PCCA: variants seen among roughly 807,000 people sequenced by gnomAD.
PCCA encodes the protein propionyl-CoA carboxylase subunit alpha, also known as propionyl-CoA carboxylase alpha chain, mitochondrial.
Under a neutral mutation model 101.3 loss-of-function variants are expected in PCCA, and 74 were observed. The ratio of observed to expected loss-of-function variants is 0.73; its 90% CI spans 0.61 to 0.89. The LOEUF (loss-of-function observed/expected upper bound fraction) is 0.89. Ranked by LOEUF, PCCA falls within the 40% of genes least tolerant of loss-of-function variation. PCCA has a pLI of 0.00. For missense variants in PCCA, 891 were observed against 907.0 expected, an observed-to-expected ratio of 0.98 and a Z score of 0.23; for synonymous variants, 294 against 313.6, an observed-to-expected ratio of 0.94 and a Z score of 0.66.
chr13:100,366,639 C>T (rs1288753545), intron 18 of PCCA, among the ~76,000 whole-genome samples: 1 of 152,090 alleles, frequency 6.6e-6, no homozygotes, highest in Non-Finnish European at 1.5e-5. Flanking sequence ...TCCTCCTCCC[C>T]TCCCCACTGT....
chr13:100,374,974 G>T (rs776993056), intron 19 of PCCA, among the ~76,000 whole-genome samples: 6 of 152,064 alleles, frequency 3.9e-5, no homozygotes, highest in Non-Finnish European at 7.4e-5. Flanking sequence ...GTCGATTTTA[G>T]ATCTTTCCTC....
chr13:100,329,360 G>A (rs1272461161), intron 16 of PCCA, among the ~76,000 whole-genome samples: 2 of 152,124 alleles, frequency 1.3e-5, no homozygotes, highest in Non-Finnish European at 2.9e-5. Context: ...GCTAATGAAC[G>A]TACCGTGCAG....
intron 18 of PCCA, among the ~76,000 whole-genome samples, chr13:100,341,045 G>A (rs1465661953): frequency 6.6e-6 from 1 of 152,208 alleles, no homozygotes; most frequent in African/African-American, 2.4e-5. Context: ...GATTTAGGCT[G>A]TATCTTAGTG....
At chr13:100,101,631 C>G (rs766912919) in intron 1 of PCCA, among the ~76,000 whole-genome samples, 1 of 151,976 alleles carries the variant, frequency 6.6e-6, no homozygotes, top group African/African-American at 2.4e-5. Flanking sequence ...AGGAGTTTCG[C>G]TCTTGTTGCC....
intron 1 of PCCA, among the ~76,000 whole-genome samples, chr13:100,097,200 T>A (rs897860145): frequency 1.3e-5 from 2 of 152,168 alleles, no homozygotes; most frequent in Admixed American, 1.3e-4. Flanking sequence ...CAGAATAGAC[T>A]GATCCATGAA....
intron 14 of PCCA, among the ~76,000 whole-genome samples, chr13:100,304,069 C>T (rs986001381): frequency 4.6e-5 from 7 of 152,186 alleles, no homozygotes; most frequent in Non-Finnish European, 7.3e-5. Flanking sequence ...ATTTTGCCCT[C>T]GCAAGTTTTT....
chr13:100,282,898 C>G (rs1286643005), intron 12 of PCCA, among the ~76,000 whole-genome samples: 2 of 152,146 alleles, frequency 1.3e-5, no homozygotes, highest in African/African-American at 4.8e-5. Flanking sequence ...TAATCCTCCT[C>G]TAATCTCCCC....
At chr13:100,169,483 CT>C (rs1269447525) in intron 6 of PCCA, among the ~76,000 whole-genome samples, 1 of 151,222 alleles carries the variant, frequency 6.6e-6, no homozygotes, top group Admixed American at 6.6e-5. Flanking sequence ...GGATTAGTCA[CT>C]TTTGTATGCA....
chr13:100,431,912 G>C (rs1027891264), intron 20 of PCCA, among the ~76,000 whole-genome samples: 3 of 151,582 alleles, frequency 2.0e-5, no homozygotes, highest in African/African-American at 7.3e-5. Context: ...ATACCAGGCC[G>C]GGTGTGGTGG....
chr13:100,186,737 T>TCAAAAAAAAAA (rs1403210361), intron 6 of PCCA, among the ~76,000 whole-genome samples: 4 of 96,384 alleles, frequency 4.2e-5, no homozygotes, highest in Non-Finnish European at 6.9e-5. Flanking sequence ...AGATTCCATC[T>TCAAAAAAAAAA]CAAAAAAAAA....
rs185203972 is a variant in PCCA, at chr13:100,163,346, C to T, written c.468+6006C>T. Among the ~76,000 whole-genome samples, 207 of 152,274 alleles carry T rather than the reference C, an allele frequency of 1.4e-3. 1 individual carries two copies. The highest frequency in any genetic ancestry group is 2.5e-3 in the Non-Finnish European group (169 of 68,018). On this transcript the variant is annotated intron_variant, in intron 6 of 23. Transcript: ENST00000376285. Reference sequence around the variant, plus strand: ...TGACAGCTAAATTCTTTCTCTGCCACTTAGTAGCTGTGTGATCTTGGACAG... The same window carrying T: ...TGACAGCTAAATTCTTTCTCTGCCATTTAGTAGCTGTGTGATCTTGGACAG...
chr13:100,225,722 A>G (rs1185749486), intron 7 of PCCA, among the ~76,000 whole-genome samples: 1 of 152,222 alleles, frequency 6.6e-6, no homozygotes, highest in Non-Finnish European at 1.5e-5. Flanking sequence ...TATATTTTGG[A>G]AAAAAAGACT....
At chr13:100,209,095 T>G (rs1163698314) in intron 6 of PCCA, among the ~76,000 whole-genome samples, 1 of 152,244 alleles carries the variant, frequency 6.6e-6, no homozygotes, top group Non-Finnish European at 1.5e-5. Flanking sequence ...GCACACTGTT[T>G]ACCCAGAAGG....
chr13:100,499,080 A>C (rs2085480410), intron 21 of PCCA, among the ~76,000 whole-genome samples: 1 of 152,198 alleles, frequency 6.6e-6, no homozygotes, highest in Non-Finnish European at 1.5e-5. Context: ...TGACAAGTGA[A>C]AGCTTTTCAC....
At chr13:100,204,633 C>CA (rs2058743646) in intron 6 of PCCA, among the ~76,000 whole-genome samples, 3 of 152,212 alleles carry the variant, frequency 2.0e-5, no homozygotes, top group Admixed American at 6.5e-5. Flanking sequence ...TCATTCCTGA[C>CA]ATAAAGCCTA....
At chr13:100,092,885 A>G (rs1195777654) in intron 1 of PCCA, among the ~76,000 whole-genome samples, 1 of 152,178 alleles carries the variant, frequency 6.6e-6, no homozygotes, top group Non-Finnish European at 1.5e-5. Flanking sequence ...AATTTCTGAG[A>G]TTATTACAGA....
At chr13:100,231,729 A>T (rs1166910494) in intron 7 of PCCA, among the ~76,000 whole-genome samples, 1 of 151,972 alleles carries the variant, frequency 6.6e-6, no homozygotes. Flanking sequence ...TACCTTTTAC[A>T]TTTATTTATT....
intron 6 of PCCA, among the ~76,000 whole-genome samples, chr13:100,178,204 G>T (rs1390609060): frequency 1.6e-4 from 25 of 152,192 alleles, no homozygotes; most frequent in African/African-American, 5.3e-4. Context: ...TTCGATGTTG[G>T]GTAGATTTTA....
intron 21 of PCCA, chr13:100,481,303 A>T (rs58299072): frequency 0.033 from 4,973 of 152,342 alleles, 296 homozygotes; most frequent in African/African-American, 0.11. Context: ...CACACCTGTA[A>T]TCCCAGCATT....
Sources: allele counts gnomAD v4.1 joint callset (sites outside exome capture counted in the v4.1 genomes callset), GRCh38; gene constraint gnomAD v4.1.1; transcripts MANE v1.5; gene names NCBI Gene and HGNC (gene_info 2026-07-23, HGNC 2026-07-21).